COL11A1: variants seen among roughly 807,000 people sequenced by gnomAD.
COL11A1 encodes the protein collagen alpha-1(XI) chain.
COL11A1 carries 74 observed loss-of-function variants against 265.2 expected under a neutral mutation model. The observed-to-expected ratio is 0.28, with a 90% CI of 0.23 to 0.34. The LOEUF (loss-of-function observed/expected upper bound fraction) is 0.34. Among genes scored for constraint, COL11A1 ranks in the 10% least tolerant of loss-of-function variants. COL11A1 has a pLI of 1.00. For missense variants in COL11A1, 2,165 were observed against 2,263.6 expected (o/e 0.96, Z 0.88); for synonymous variants, 816 against 727.6 (o/e 1.12, Z -1.96).
intron 38 of COL11A1, among the ~76,000 whole-genome samples, chr1:102,964,067 C>G (rs937618102): frequency 7.2e-5 from 11 of 151,976 alleles, no homozygotes; most frequent in African/African-American, 2.7e-4. Context: ...CAGTAAAACA[C>G]CAGTATTTTT....
At chr1:103,104,521 T>C (rs1161572284) in intron 1 of COL11A1, among the ~76,000 whole-genome samples, 3 of 152,182 alleles carry the variant, frequency 2.0e-5, no homozygotes, top group Admixed American at 2.0e-4. Flanking sequence ...TTTAAAACTA[T>C]ACAAATACCT....
At chr1:103,063,499 C>A (rs1448971481) in intron 4 of COL11A1, among the ~76,000 whole-genome samples, 4 of 152,032 alleles carry the variant, frequency 2.6e-5, no homozygotes, top group Non-Finnish European at 5.9e-5. Flanking sequence ...AGTGCTGGAA[C>A]AACTGGACAG....
intron 46 of COL11A1, among the ~76,000 whole-genome samples, chr1:102,927,947 G>C (rs1421494857): frequency 6.6e-6 from 1 of 152,080 alleles, no homozygotes; most frequent in Non-Finnish European, 1.5e-5. Flanking sequence ...TGAAAGTAAA[G>C]AGTCATAGGT....
At chr1:102,994,530 C>G (rs1664440467) in intron 28 of COL11A1, among the ~76,000 whole-genome samples, 1 of 152,118 alleles carries the variant, frequency 6.6e-6, no homozygotes, top group African/African-American at 2.4e-5. Context: ...GCTTCCTGTA[C>G]AGCCTGCACA....
chr1:103,051,533 C>T (rs1669826824), intron 4 of COL11A1, among the ~76,000 whole-genome samples: 1 of 152,158 alleles, frequency 6.6e-6, no homozygotes, highest in East Asian at 1.9e-4. Context: ...AAGGGAATTC[C>T]CTGACCCCTT....
chr1:103,036,661 T>C (rs1302812326), intron 4 of COL11A1, among the ~76,000 whole-genome samples: 1 of 152,012 alleles, frequency 6.6e-6, no homozygotes, highest in East Asian at 1.9e-4. Context: ...TCGTATGACA[T>C]GTTTTAAGAC....
At chr1:102,967,670 C>T (rs1356835305) in intron 37 of COL11A1, among the ~76,000 whole-genome samples, 2 of 152,110 alleles carry the variant, frequency 1.3e-5, no homozygotes, top group African/African-American at 2.4e-5. Context: ...CTACCTTTTT[C>T]TGAATAGCCA....
At chr1:102,937,831 T>C (rs1299056947) in intron 44 of COL11A1, among the ~76,000 whole-genome samples, 1 of 152,142 alleles carries the variant, frequency 6.6e-6, no homozygotes, top group Non-Finnish European at 1.5e-5. Context: ...CGGGTATTCA[T>C]TTATAGTAAC....
At chr1:102,964,645 C>T (rs866029690) in intron 38 of COL11A1, among the ~76,000 whole-genome samples, 28 of 150,364 alleles carry the variant, frequency 1.9e-4, no homozygotes, top group African/African-American at 5.1e-4. Context: ...TGTCCGTGTG[C>T]GCATGTGTGT....
At chr1:103,028,440 G>A (rs1341654223) in intron 5 of COL11A1, among the ~76,000 whole-genome samples, 1 of 152,002 alleles carries the variant, frequency 6.6e-6, no homozygotes, top group Non-Finnish European at 1.5e-5. Context: ...TAGTATATTC[G>A]CAATATATAT....
intron 1 of COL11A1, among the ~76,000 whole-genome samples, chr1:103,102,012 G>A (rs1674317094): frequency 6.6e-6 from 1 of 152,044 alleles, no homozygotes. Flanking sequence ...CAAGTTAGTA[G>A]TAGGCCAAAG....
At chr1:102,885,167 A>G (rs1442755353) in intron 63 of COL11A1, among the ~76,000 whole-genome samples, 7 of 152,316 alleles carry the variant, frequency 4.6e-5, no homozygotes, top group Middle Eastern at 3.4e-3. Flanking sequence ...GCATAAAATC[A>G]GATAGCTTCC....
At chr1:102,956,798 T>C (rs998952778) in intron 41 of COL11A1, among the ~76,000 whole-genome samples, 1 of 151,850 alleles carries the variant, frequency 6.6e-6, no homozygotes, top group Non-Finnish European at 1.5e-5. Flanking sequence ...AAACATTATC[T>C]TCTGTACCGT....
At chr1:103,011,068 G>T (rs1238574560) in intron 14 of COL11A1, among the ~76,000 whole-genome samples, 1 of 152,040 alleles carries the variant, frequency 6.6e-6, no homozygotes, top group African/African-American at 2.4e-5. Context: ...AATCAACCTG[G>T]TGCACGTATT....
chr1:103,068,589 T>C (rs1207145280), intron 4 of COL11A1, among the ~76,000 whole-genome samples: 3 of 151,506 alleles, frequency 2.0e-5, no homozygotes, highest in African/African-American at 2.4e-5. Flanking sequence ...ATAAAAGTTA[T>C]ATTCGATGTA....
chr1:103,076,549 A>C (rs1039326324), intron 3 of COL11A1, among the ~76,000 whole-genome samples: 1 of 152,000 alleles, frequency 6.6e-6, no homozygotes, highest in Non-Finnish European at 1.5e-5. Flanking sequence ...CCCCTTGCAC[A>C]TGTTCTTCAC....
intron 26 of COL11A1, 118 bp from the exon 27 acceptor site, chr1:102,996,160 G>T: frequency 1.0e-6 from 1 of 1,003,442 alleles, no homozygotes; most frequent in South Asian, 1.5e-5. Context: ...GCTAATATTT[G>T]ATAAAGACTT....
At chr1:102,913,797 G>T in intron 52 of COL11A1, 107 bp from the exon 53 acceptor site, 1 of 971,988 alleles carries the variant, frequency 1.0e-6, no homozygotes, top group Non-Finnish European at 1.7e-6. Context: ...AAAATTATCA[G>T]ATGGACAAGT....
At chr1:102,901,663 T>C (rs1653220973) in intron 54 of COL11A1, among the ~76,000 whole-genome samples, 1 of 152,290 alleles carries the variant, frequency 6.6e-6, no homozygotes, top group South Asian at 2.1e-4. Context: ...GAAAAATACC[T>C]CATAAAAACA....
Sources: allele counts gnomAD v4.1 joint callset (sites outside exome capture counted in the v4.1 genomes callset), GRCh38; gene constraint gnomAD v4.1.1; transcripts MANE v1.5; gene names NCBI Gene and HGNC (gene_info 2026-07-23, HGNC 2026-07-21).